CADM2: variants seen among roughly 807,000 people sequenced by gnomAD.
CADM2 encodes immunoglobulin superfamily member 4D.
CADM2 carries 12 observed loss-of-function variants against 49.8 expected under a neutral mutation model. That is an observed-to-expected ratio of 0.24 (90% confidence interval 0.15 to 0.39). CADM2 has a LOEUF of 0.39. CADM2 is among the 10% of genes least tolerant of loss of function. CADM2 has a pLI of 1.00. For missense variants in CADM2, 378 were observed against 492.3 expected, an observed-to-expected ratio of 0.77 and a Z score of 2.20; for synonymous variants, 214 against 175.4, an observed-to-expected ratio of 1.22 and a Z score of -1.74.
rs921733767 is a variant in CADM2 at position 85,958,784 on chromosome 3, A to G, written c.792-2685A>G. Among the ~76,000 whole-genome samples, 6 of 152,060 alleles carry G rather than the reference A, an allele frequency of 3.9e-5. No individual in the cohort carries two copies. The South Asian group carries it at 6.2e-4, about 16-fold the overall frequency. On this transcript the variant is annotated intron_variant, in intron 7 of 9. Coordinates refer to ENST00000383699, the MANE Select transcript of CADM2 (RefSeq NM_001167675.2). ...AAAGCTGGAAGCCATCATCCTCAGCAAACTAATACAAGAACAGAAAACCAA... is the reference window on the plus strand; with the variant it reads ...AAAGCTGGAAGCCATCATCCTCAGCGAACTAATACAAGAACAGAAAACCAA...
chr3:85,095,939 G>A (rs1027742115), intron 1 of CADM2, among the ~76,000 whole-genome samples: 46 of 152,056 alleles, frequency 3.0e-4, no homozygotes, highest in African/African-American at 9.2e-4. Flanking sequence ...TTGTGCAGTT[G>A]AGATGGATGC....
At chr3:86,017,190 AT>A (rs1732380243) in intron 8 of CADM2, among the ~76,000 whole-genome samples, 1 of 144,256 alleles carries the variant, frequency 6.9e-6, no homozygotes, top group African/African-American at 2.5e-5. Flanking sequence ...ATATATATAT[AT>A]ATAATTTACA....
rs145415743 is a variant in CADM2 at position 85,636,542 on chromosome 3, TTAGTG to T, written c.62-89976_62-89972del. On this transcript the variant is annotated intron_variant, in intron 1 of 9. Coordinates refer to ENST00000383699, the MANE Select transcript of CADM2 (RefSeq NM_001167675.2). ...AAGATAGAAAATTTAAAAAATAAAA[TTAGTG>T]TAGCCTCAATGTACAGTGTTGATCA... Among the ~76,000 whole-genome samples the T allele has an allele frequency of 5.0e-3, 759 of 152,226 alleles. 4 individuals are homozygous for T. Among genetic ancestry groups the T allele is most frequent in the East Asian group, 0.029 (152 of 5,176 alleles).
intron 1 of CADM2, among the ~76,000 whole-genome samples, chr3:85,469,947 G>A (rs1331299546): frequency 6.6e-6 from 1 of 152,130 alleles, no homozygotes; most frequent in Non-Finnish European, 1.5e-5. Context: ...AGCATGACAA[G>A]CCAGGAAAAT....
At chr3:85,815,623 A>T (rs1577381210) in intron 3 of CADM2, among the ~76,000 whole-genome samples, 1 of 152,160 alleles carries the variant, frequency 6.6e-6, no homozygotes, top group Non-Finnish European at 1.5e-5. Context: ...TTTATGACAA[A>T]CCCACAGCCA....
intron 2 of CADM2, among the ~76,000 whole-genome samples, chr3:85,772,308 C>T (rs1197061902): frequency 6.6e-6 from 1 of 151,894 alleles, no homozygotes; most frequent in Non-Finnish European, 1.5e-5. Flanking sequence ...TTACGTTTAG[C>T]TTTGGAATTT....
At chr3:85,731,679 C>G (rs1205230753) in intron 2 of CADM2, among the ~76,000 whole-genome samples, 3 of 151,960 alleles carry the variant, frequency 2.0e-5, no homozygotes, top group Non-Finnish European at 4.4e-5. Context: ...TAAACACATA[C>G]AGTATAAGAT....
chr3:85,765,811 AGTAT>A, intron 2 of CADM2, among the ~76,000 whole-genome samples: 1 of 152,134 alleles, frequency 6.6e-6, no homozygotes, highest in Admixed American at 6.6e-5. Flanking sequence ...TAGGGTAATT[AGTAT>A]GTATGGCAAA....
intron 1 of CADM2, among the ~76,000 whole-genome samples, chr3:85,583,033 G>C (rs2062840077): frequency 6.6e-6 from 1 of 152,110 alleles, no homozygotes; most frequent in Admixed American, 6.6e-5. Context: ...ACAGTGCCTG[G>C]TGTATAGGAA....
At chr3:84,996,732 T>G (rs2200466) in intron 1 of CADM2, among the ~76,000 whole-genome samples, 1 of 152,044 alleles carries the variant, frequency 6.6e-6, no homozygotes, top group Non-Finnish European at 1.5e-5. Flanking sequence ...TTGTCTAATA[T>G]CATTTTCTTC....
intron 1 of CADM2, among the ~76,000 whole-genome samples, chr3:85,329,434 G>A (rs2044850602): frequency 6.6e-6 from 1 of 151,640 alleles, no homozygotes; most frequent in South Asian, 2.1e-4. Context: ...GCCGGGCATG[G>A]TGGTGCACAC....
chr3:85,480,041 G>C (rs932812410), intron 1 of CADM2, among the ~76,000 whole-genome samples: 1 of 151,644 alleles, frequency 6.6e-6, no homozygotes, highest in Admixed American at 6.6e-5. Context: ...AACTTTAAAA[G>C]TTACTTCTAA....
At chr3:85,448,328 G>T (rs1344336206) in intron 1 of CADM2, among the ~76,000 whole-genome samples, 1 of 48,014 alleles carries the variant, frequency 2.1e-5, no homozygotes, top group Admixed American at 3.1e-4. Context: ...GCAAGATTCC[G>T]TCTCAAAAAA....
At chr3:85,730,135 C>T (rs1378380133) in intron 2 of CADM2, among the ~76,000 whole-genome samples, 1 of 152,000 alleles carries the variant, frequency 6.6e-6, no homozygotes, top group African/African-American at 2.4e-5. Context: ...TGCATGAATC[C>T]TTATTCTTTG....
At chr3:85,912,339 G>A (rs910424229) in intron 5 of CADM2, 34 bp from the exon 6 acceptor site, 2 of 1,515,052 alleles carry the variant, frequency 1.3e-6, no homozygotes, top group Non-Finnish European at 9.0e-7. Context: ...ATTTTGAAAG[G>A]TGTCACATTT....
chr3:86,051,235 A>AG (rs71128111), intron 8 of CADM2, among the ~76,000 whole-genome samples: 35,496 of 151,988 alleles, frequency 0.23, 4,579 homozygotes, highest in African/African-American at 0.34. Context: ...TCCCTAGGGC[A>AG]GGACTCAATG....
chr3:85,085,886 G>A (rs1049040767), intron 1 of CADM2, among the ~76,000 whole-genome samples: 1 of 151,902 alleles, frequency 6.6e-6, no homozygotes, highest in African/African-American at 2.4e-5. Context: ...TGATCACCTG[G>A]GAGTATTTAA....
At chr3:85,829,412 C>T (rs886430097) in intron 3 of CADM2, among the ~76,000 whole-genome samples, 6 of 151,812 alleles carry the variant, frequency 4.0e-5, no homozygotes, top group Non-Finnish European at 5.9e-5. Flanking sequence ...TCACCTCAAA[C>T]ATTTATCATT....
intron 8 of CADM2, among the ~76,000 whole-genome samples, chr3:85,971,308 C>G (rs1011686249): frequency 3.3e-5 from 5 of 151,550 alleles, no homozygotes; most frequent in African/African-American, 4.8e-5. Context: ...AAGATCAACT[C>G]TGATCCATCA....
Sources: allele counts gnomAD v4.1 joint callset (sites outside exome capture counted in the v4.1 genomes callset), GRCh38; gene constraint gnomAD v4.1.1; transcripts MANE v1.5; gene names NCBI Gene and HGNC (gene_info 2026-07-23, HGNC 2026-07-21).